The following KLF13 variants were observed in gnomAD, a reference collection of about 807,000 sequenced individuals.
The protein encoded by KLF13 is KLF transcription factor 13, also known as Krueppel-like factor 13.
Under a neutral mutation model 16.7 loss-of-function variants are expected in KLF13, and 8 were observed. The observed-to-expected ratio is 0.48, with a 90% confidence interval of 0.28 to 0.87. The LOEUF (loss-of-function observed/expected upper bound fraction) is 0.87, where lower values mean the gene tolerates loss of function less well. Ranked by LOEUF, KLF13 falls within the 40% of genes least tolerant of loss-of-function variation. The pLI is 0.10. For missense variants in KLF13, 447 were observed against 452.2 expected (o/e 0.99, Z 0.10); for synonymous variants, 245 against 208.4 (o/e 1.18, Z -1.51).
intron 1 of KLF13, among the ~76,000 whole-genome samples, chr15:31,341,206 A>G (rs1348771321): frequency 2.0e-5 from 3 of 152,152 alleles, no homozygotes; most frequent in Non-Finnish European, 4.4e-5. Context: ...AGTGATGAGG[A>G]GCCCTGGCCT....
chr15:31,383,003 A>G lies in KLF13; in HGVS notation n.224-52367A>G, dbSNP rs539422713. On this transcript the variant is annotated intron_variant and non_coding_transcript_variant, in intron 1 of 1. Coordinates refer to the KLF13 transcript ENST00000558921. ...CCATTCCCAACCTCACAATTAGGTA[A>G]TCATTTACTTATGAATGGGCCAGGG... Among the ~76,000 whole-genome samples, 36 of 152,214 alleles carry G rather than the reference A, an allele frequency of 2.4e-4. 1 individual carries two copies. The highest frequency in any genetic ancestry group is 4.6e-4 in the Non-Finnish European group (31 of 68,034).
intron 1 of KLF13, among the ~76,000 whole-genome samples, chr15:31,337,774 G>T (rs184660231): frequency 9.2e-5 from 14 of 152,330 alleles, no homozygotes; most frequent in Admixed American, 8.5e-4. Flanking sequence ...CTCGTCCCAC[G>T]TGGACTGTCA....
intron 1 of KLF13, among the ~76,000 whole-genome samples, chr15:31,354,922 C>T (rs2039276515): frequency 6.6e-6 from 1 of 152,122 alleles, no homozygotes; most frequent in Admixed American, 6.5e-5. Flanking sequence ...TCATACTGGG[C>T]TAACAGTAAG....
At chr15:31,388,869 T>C (rs1286767883), upstream of KLF13, among the ~76,000 whole-genome samples, 3 of 151,484 alleles carry the variant, frequency 2.0e-5, no homozygotes, top group Non-Finnish European at 2.9e-5. Context: ...TTTTTTTTTT[T>C]AGGGGACTAA....
At chr15:31,361,943 G>A (rs965779067) in intron 1 of KLF13, among the ~76,000 whole-genome samples, 1 of 151,598 alleles carries the variant, frequency 6.6e-6, no homozygotes. Flanking sequence ...TTTTCTCTTG[G>A]TGCAAGAGAA....
At chr15:31,362,319 G>C (rs1231038237) in intron 1 of KLF13, among the ~76,000 whole-genome samples, 6 of 152,286 alleles carry the variant, frequency 3.9e-5, no homozygotes, top group African/African-American at 7.2e-5. Flanking sequence ...GTGACCCAGG[G>C]GCTCTAAAGC....
At chr15:31,413,205 A>AAAAAAAAAAAAAC (rs1566843729) in intron 1 of KLF13, among the ~76,000 whole-genome samples, 4 of 134,788 alleles carry the variant, frequency 3.0e-5, no homozygotes, top group Admixed American at 7.9e-5. Flanking sequence ...AAAAAAAACA[A>AAAAAAAAAAAAAC]AAAACAAAAA....
chr15:31,353,695 G>A (rs2039253186), intron 1 of KLF13, among the ~76,000 whole-genome samples: 1 of 152,226 alleles, frequency 6.6e-6, no homozygotes, highest in African/African-American at 2.4e-5. Context: ...AATAGCTGCT[G>A]GGAAGGGGGG....
chr15:31,327,695 G>C lies in KLF13; in HGVS notation c.483G>C (p.Glu161Asp), dbSNP rs959048364. 4 of 1,535,614 alleles carry C rather than the reference G, an allele frequency of 2.6e-6. No homozygotes were observed. In the African/African-American group the frequency reaches 5.8e-5, roughly 22 times the overall value. ...GGGGCCGAAGTCGCGCCGACCTCGA[G>C]TCCCCGCAGAGGAAGCACAAGTGCC... ...VRRGRSRADLESPQRKHKCHY... is the reference protein window; with the variant it reads ...VRRGRSRADLDSPQRKHKCHY... The change falls in exon 1 of 2, where the codon GAG (glutamate) becomes GAC (aspartate). Residue 161 changes from glutamate to aspartate, a missense_variant. Physicochemically the swap from Glu to Asp is conservative, Grantham distance 45. Around this residue, in one of 2 missense-constraint regions of KLF13, gnomAD observed 359 missense variants for 282.8 expected, o/e 1.27. Transcript: ENST00000307145.
chr15:31,353,270 G>C (rs973689048), intron 1 of KLF13, among the ~76,000 whole-genome samples: 1 of 152,296 alleles, frequency 6.6e-6, no homozygotes, highest in East Asian at 1.9e-4. Flanking sequence ...CGCCTGTGCT[G>C]GGCCTCCCCT....
At chr15:31,362,350 A>T (rs4779869) in intron 1 of KLF13, among the ~76,000 whole-genome samples, 1 of 152,246 alleles carries the variant, frequency 6.6e-6, no homozygotes, top group African/African-American at 2.4e-5. Context: ...TGCCCTGGGA[A>T]CATCTCCTAC....
chr15:31,427,731 C>T (rs2040416903), intron 1 of KLF13, among the ~76,000 whole-genome samples: 1 of 152,192 alleles, frequency 6.6e-6, no homozygotes, highest in Admixed American at 6.5e-5. Context: ...AACATGGTGG[C>T]TTCTGCTTCC....
At chr15:31,370,829 C>G (rs980247704) in intron 1 of KLF13, among the ~76,000 whole-genome samples, 2 of 152,174 alleles carry the variant, frequency 1.3e-5, no homozygotes, top group Non-Finnish European at 2.9e-5. Context: ...AAATTTTCTT[C>G]TCTTTCCTGG....
At chr15:31,399,375 G>T (rs1170787425) in intron 2 of KLF13, among the ~76,000 whole-genome samples, 1 of 152,170 alleles carries the variant, frequency 6.6e-6, no homozygotes, top group Non-Finnish European at 1.5e-5. Context: ...ATGTTGGGCA[G>T]GCTGGTCTCA....
intron 1 of KLF13, among the ~76,000 whole-genome samples, chr15:31,409,821 T>C (rs1471602735): frequency 6.6e-6 from 1 of 152,072 alleles, no homozygotes; most frequent in Non-Finnish European, 1.5e-5. Flanking sequence ...CTTTCTCAGA[T>C]AAATAAAAAC....
At chr15:31,336,325 A>G (rs1483128420) in intron 1 of KLF13, among the ~76,000 whole-genome samples, 4 of 152,298 alleles carry the variant, frequency 2.6e-5, no homozygotes, top group South Asian at 2.1e-4. Flanking sequence ...TGGGGATGGC[A>G]GGAGCCTTGT....
chr15:31,379,310 C>T (rs1023859257), downstream of KLF13, among the ~76,000 whole-genome samples: 1 of 152,106 alleles, frequency 6.6e-6, no homozygotes, highest in Non-Finnish European at 1.5e-5. Context: ...GAGTATTTTC[C>T]CAGGACAGCC....
intron 1 of KLF13, among the ~76,000 whole-genome samples, chr15:31,413,607 A>G (rs980696847): frequency 6.6e-6 from 1 of 152,244 alleles, no homozygotes; most frequent in African/African-American, 2.4e-5. Context: ...GAAGAATCCT[A>G]TATACATCAC....
intron 1 of KLF13, among the ~76,000 whole-genome samples, chr15:31,340,176 G>A (rs773384286): frequency 7.7e-4 from 117 of 152,370 alleles, no homozygotes; most frequent in Non-Finnish European, 3.5e-4. Flanking sequence ...GATGTACCCA[G>A]TTGGGCTGGG....
Sources: allele counts gnomAD v4.1 joint callset (sites outside exome capture counted in the v4.1 genomes callset), GRCh38; gene constraint gnomAD v4.1.1; regional missense constraint gnomAD v4.1.1; transcripts MANE v1.5; gene names NCBI Gene and HGNC (gene_info 2026-07-23, HGNC 2026-07-21).